CACNA1C: variants seen among roughly 807,000 people sequenced by gnomAD.
CACNA1C encodes calcium voltage-gated channel subunit alpha1 C.
In CACNA1C, 30 loss-of-function variants were observed where a neutral mutation model predicts 229.0. The ratio of observed to expected loss-of-function variants is 0.13; its 90% CI spans 0.10 to 0.18. The LOEUF (loss-of-function observed/expected upper bound fraction) is 0.18. Ranked by LOEUF, CACNA1C falls within the 10% of genes least tolerant of loss-of-function variation. The probability of loss-of-function intolerance (pLI) is 1.00; values close to 1 mark genes in which losing one functional copy is unlikely to be tolerated. For synonymous variants in CACNA1C, 1,114 were observed against 1,132.5 expected, an observed-to-expected ratio of 0.98 and a Z score of 0.33; for missense variants, 1,658 against 2,845.0, an observed-to-expected ratio of 0.58 and a Z score of 9.49.
At chr12:2,634,015 G>T (rs1223384213) in intron 29 of CACNA1C, among the ~76,000 whole-genome samples, 4 of 152,130 alleles carry the variant, frequency 2.6e-5, no homozygotes, top group Non-Finnish European at 5.9e-5. Flanking sequence ...CCCCGGGGCG[G>T]CCACAGCCCC....
intron 3 of CACNA1C, among the ~76,000 whole-genome samples, chr12:2,142,311 G>A (rs141684759): frequency 2.6e-5 from 4 of 151,192 alleles, no homozygotes; most frequent in East Asian, 1.9e-4. Flanking sequence ...TTCTGCCGTC[G>A]TAATGGTGCA....
rs373124557 is a variant in CACNA1C, at chr12:2,610,661, G to C, written c.3679G>C (p.Val1227Leu). 2 of 1,614,202 alleles carry C rather than the reference G, an allele frequency of 1.2e-6. No homozygotes were observed. The highest frequency in any genetic ancestry group is 1.7e-5 in the Admixed American group (1 of 60,034). ...NSTYFEYLMF[V>L]LILLNTICLA... is the part of the protein sequence containing the mutation. ...CACCTACTTCGAGTACCTGATGTTC[G>C]TCCTCATCCTGCTCAACACCATCTG... The change falls in exon 28 of 47, where the codon GTC (valine) becomes CTC (leucine). Residue 1227 changes from valine to leucine, a missense_variant. Physicochemically the swap from Val to Leu is conservative, Grantham distance 32 (BLOSUM62 1). Coordinates refer to ENST00000399655, the MANE Select transcript of CACNA1C (RefSeq NM_000719.7).
intron 3 of CACNA1C, among the ~76,000 whole-genome samples, chr12:2,178,867 G>A (rs978667346): frequency 6.6e-6 from 1 of 152,110 alleles, no homozygotes; most frequent in African/African-American, 2.4e-5. Flanking sequence ...TTCAAGACCA[G>A]CCTGGCCAAC....
chr12:2,032,342 G>T (rs1055506234), intron 1 of CACNA1C, among the ~76,000 whole-genome samples: 7 of 152,274 alleles, frequency 4.6e-5, no homozygotes, highest in African/African-American at 1.7e-4. Flanking sequence ...TATTTTGGGT[G>T]TACCCTAGGG....
Position 2,120,400 on chromosome 12 carries a change from A to G in CACNA1C, c.447A>G (p.Glu149=), listed in dbSNP as rs1297869395. ...VALAIYIPFP[E]DDSNATNSNL... is the part of the protein sequence containing the mutation. ...TAGCGATCTATATTCCCTTTCCAGAAGATGATTCCAACGCCACCAATTCCA... is the reference window on the plus strand; with the variant it reads ...TAGCGATCTATATTCCCTTTCCAGAGGATGATTCCAACGCCACCAATTCCA... The change falls in exon 3 of 47, where the codon GAA becomes GAG. Residue 149 remains glutamate, a synonymous_variant. Coordinates refer to ENST00000399655, the MANE Select transcript of CACNA1C (RefSeq NM_000719.7). 1.2e-6 allele frequency: 2 copies of G among 1,610,260 alleles called. No homozygotes were observed. The highest frequency in any genetic ancestry group is 1.7e-6 in the Non-Finnish European group (2 of 1,176,464).
intron 1 of CACNA1C, among the ~76,000 whole-genome samples, chr12:2,039,113 T>C (rs775936061): frequency 1.3e-5 from 2 of 152,198 alleles, no homozygotes; most frequent in African/African-American, 2.4e-5. Context: ...GCAAATAACA[T>C]GGGCCTTTTA....
At chr12:2,098,305 C>T (rs4378450) in intron 1 of CACNA1C, among the ~76,000 whole-genome samples, 1 of 152,144 alleles carries the variant, frequency 6.6e-6, no homozygotes. Context: ...TTTGACTTTT[C>T]TAAATGAAAG....
Position 2,310,350 on chromosome 12 carries a change from AAAATAT to A in CACNA1C, c.478-138624_478-138619del, listed in dbSNP as rs750907132. Among the ~76,000 whole-genome samples, 208 of 127,334 alleles carry A rather than the reference AAAATAT, an allele frequency of 1.6e-3. 6 individuals are homozygous for A. In the East Asian group the frequency reaches 0.045, roughly 27 times the overall value. The allele number at this position is 127,334 out of a possible 152,430, so 83.5% of individuals were successfully genotyped here. A position where few individuals can be genotyped will look rare whatever the true frequency, so the allele number is the denominator to read the frequency against. ...GTCCTCTGCCTCCCAGTTAAAAAAA[AAAATAT>A]ATATATATATATATATGTATGGGAA... On this transcript the variant is annotated intron_variant, in intron 3 of 46. Coordinates refer to ENST00000399655, the MANE Select transcript of CACNA1C (RefSeq NM_000719.7).
rs1601826706 is a variant in CACNA1C, at chr12:2,605,395, C to T, written c.3048+227C>T. ...TAAGCAGAATGTGCCAAAGGGAGATCCCACACAAACCCTGTGCCCCTGTGG... is the reference window on the plus strand; with the variant it reads ...TAAGCAGAATGTGCCAAAGGGAGATTCCACACAAACCCTGTGCCCCTGTGG... On this transcript the variant is annotated intron_variant, in intron 23 of 46. Transcript: ENST00000399655. This position sits in a 1 kb window ranked among gnomAD's most constrained non-coding sequence, Gnocchi z 6.2. Among the ~76,000 whole-genome samples, 1 of 152,326 alleles carries T rather than the reference C, an allele frequency of 6.6e-6. No individual in the cohort carries two copies. The highest frequency in any genetic ancestry group is 1.9e-4 in the East Asian group (1 of 5,186).
intron 4 of CACNA1C, among the ~76,000 whole-genome samples, chr12:2,455,796 G>A (rs908766150): frequency 6.6e-6 from 1 of 152,054 alleles, no homozygotes; most frequent in Non-Finnish European, 1.5e-5. Context: ...CTCTTCATGG[G>A]GCGCCGTTCT....
intron 1 of CACNA1C, among the ~76,000 whole-genome samples, chr12:1,977,514 A>G (rs1374749095): frequency 6.6e-6 from 1 of 152,256 alleles, no homozygotes; most frequent in African/African-American, 2.4e-5. Context: ...ATTCTAGAAT[A>G]TAAGTGATTT....
chr12:2,013,574 G>C lies in CACNA1C; in HGVS notation c.139+42373G>C, dbSNP rs1377769234. Among the ~76,000 whole-genome samples the C allele has an allele frequency of 3.3e-5, 5 of 152,280 alleles. No homozygotes were observed. The South Asian group carries it at 1.0e-3, about 32-fold the overall frequency. On this transcript the variant is annotated intron_variant, in intron 1 of 46. Transcript: ENST00000682462. ...GTCCTTGGGGATCTTGGGACCAGGA[G>C]CATGATGCAAAAAACACAGATACAG...
At chr12:2,267,245 T>G (rs2082739254) in intron 3 of CACNA1C, among the ~76,000 whole-genome samples, 2 of 152,332 alleles carry the variant, frequency 1.3e-5, no homozygotes, top group South Asian at 4.1e-4. Context: ...CATTTACCCT[T>G]CTTATTATTC....
At chr12:2,617,536 A>G (rs772834221) in intron 29 of CACNA1C, among the ~76,000 whole-genome samples, 3 of 152,204 alleles carry the variant, frequency 2.0e-5, no homozygotes, top group Non-Finnish European at 4.4e-5. Flanking sequence ...CCTCGTATCC[A>G]GTGTGCCCAT....
At chr12:2,347,403 C>T (rs1291739765) in intron 3 of CACNA1C, among the ~76,000 whole-genome samples, 1 of 152,230 alleles carries the variant, frequency 6.6e-6, no homozygotes, top group African/African-American at 2.4e-5. Flanking sequence ...CTGCTGACAA[C>T]TGTTTAAACT....
chr12:2,009,697 T>C (rs1287838251), intron 1 of CACNA1C, among the ~76,000 whole-genome samples: 1 of 152,200 alleles, frequency 6.6e-6, no homozygotes, highest in Non-Finnish European at 1.5e-5. Context: ...AACAATTAAC[T>C]CTCTCTCCCT....
intron 5 of CACNA1C, among the ~76,000 whole-genome samples, chr12:2,468,088 G>T (rs376969726): frequency 3.3e-5 from 5 of 152,230 alleles, no homozygotes; most frequent in South Asian, 2.1e-4. Context: ...GATGGACACA[G>T]TAAGCACACT....
rs938109656 is a variant in CACNA1C at position 2,599,563 on chromosome 12, C to A, written c.2853+2274C>A. On this transcript the variant is annotated intron_variant, in intron 21 of 46. Transcript: ENST00000399655. ...GAGCTGCCTGGAGAGGCAGGGATGG[C>A]CCGTGGTTGAACAGAGAGCTTTCCT... Among the ~76,000 whole-genome samples, 4 of 152,224 alleles carry A rather than the reference C, an allele frequency of 2.6e-5. No homozygotes were observed. The East Asian group carries it at 7.7e-4, about 29-fold the overall frequency.
At chr12:2,509,480 A>G (rs2099778776) in intron 8 of CACNA1C, among the ~76,000 whole-genome samples, 1 of 152,180 alleles carries the variant, frequency 6.6e-6, no homozygotes, top group African/African-American at 2.4e-5. Flanking sequence ...CAACCAATCA[A>G]TACATAACCT....
Sources: allele counts gnomAD v4.1 joint callset (sites outside exome capture counted in the v4.1 genomes callset), GRCh38; gene constraint gnomAD v4.1.1; non-coding constraint Gnocchi (gnomAD v3.1); transcripts MANE v1.5; gene names NCBI Gene and HGNC (gene_info 2026-07-23, HGNC 2026-07-21).